FGD6: variants seen among roughly 807,000 people sequenced by gnomAD.
FGD6 encodes the protein FYVE, RhoGEF and PH domain-containing protein 6.
Under a neutral mutation model 149.4 loss-of-function variants are expected in FGD6, and 90 were observed. The ratio of observed to expected loss-of-function variants is 0.60; its 90% CI spans 0.51 to 0.72. The LOEUF (loss-of-function observed/expected upper bound fraction) is 0.72, where lower values mean the gene tolerates loss of function less well. FGD6 is among the 30% of genes least tolerant of loss of function. The probability of loss-of-function intolerance (pLI) is 0.00; values close to 1 mark genes in which losing one functional copy is unlikely to be tolerated. For missense variants in FGD6, 1,437 were observed against 1,684.8 expected (o/e 0.85, Z 2.57); for synonymous variants, 527 against 584.0 (o/e 0.90, Z 1.41).
intron 2 of FGD6, among the ~76,000 whole-genome samples, chr12:95,202,300 T>A (rs191566118): frequency 6.3e-4 from 95 of 151,464 alleles, no homozygotes; most frequent in African/African-American, 2.2e-3. Context: ...GGCAGGAGAA[T>A]CTCTTCAACC....
intron 16 of FGD6, 42 bp from the exon 17 acceptor site, chr12:95,091,851 A>C: frequency 1.4e-6 from 2 of 1,454,766 alleles, no homozygotes; most frequent in Non-Finnish European, 1.9e-6. Flanking sequence ...TCATTAGAAT[A>C]ACTTGTGTTT....
Position 95,174,234 on chromosome 12 carries a change from C to T in FGD6, c.2442-1490G>A, listed in dbSNP as rs946060797. 5.3e-5 allele frequency among the ~76,000 whole-genome samples: 8 copies of T among 152,108 alleles called. 1 individual carries two copies. The highest frequency in any genetic ancestry group is 4.6e-4 in the Admixed American group (7 of 15,274). The stretch of plus-strand genomic sequence containing the variant: ...TGGGTGCAGGGATAAGAGCCAACCC[C>T]GCCGGATAGTTAATTGTTGACTGAG... On this transcript the variant is annotated intron_variant, in intron 2 of 20. Transcript: ENST00000343958.
intron 5 of FGD6, among the ~76,000 whole-genome samples, chr12:95,145,916 C>T (rs1272214372): frequency 6.6e-6 from 1 of 152,142 alleles, no homozygotes; most frequent in Admixed American, 6.5e-5. Flanking sequence ...TCAAGTGAAC[C>T]ACCCACCTTG....
At chr12:95,114,480 ACACACACACACAC>A (rs1878944118) in intron 8 of FGD6, among the ~76,000 whole-genome samples, 1 of 141,820 alleles carries the variant, frequency 7.1e-6, no homozygotes, top group Admixed American at 7.0e-5. Flanking sequence ...ACACACACAC[ACACACACACACAC>A]GTCAGACGTG....
At chr12:95,119,967 A>G (rs979112554) in intron 8 of FGD6, among the ~76,000 whole-genome samples, 1 of 152,024 alleles carries the variant, frequency 6.6e-6, no homozygotes, top group African/African-American at 2.4e-5. Flanking sequence ...GCAGTGGCTC[A>G]TGCCTGTAAT....
At chr12:95,167,577 G>GTTTT (rs57751064) in intron 3 of FGD6, among the ~76,000 whole-genome samples, 5 of 138,362 alleles carry the variant, frequency 3.6e-5, no homozygotes, top group African/African-American at 5.4e-5. Context: ...ACTGTTTGAG[G>GTTTT]TTTTTTTTTT....
chr12:95,191,779 C>G (rs936948911), intron 2 of FGD6, among the ~76,000 whole-genome samples: 5 of 152,026 alleles, frequency 3.3e-5, no homozygotes, highest in Admixed American at 2.6e-4. Flanking sequence ...TTCTTGTTGC[C>G]CAGGCTGGAG....
At chr12:95,208,152 T>C in intron 2 of FGD6, among the ~76,000 whole-genome samples, 1 of 152,000 alleles carries the variant, frequency 6.6e-6, no homozygotes, top group Admixed American at 6.6e-5. Context: ...TCAAGGAGGC[T>C]GAGATGGGAG....
At chr12:95,213,414 A>G (rs775424079) in intron 1 of FGD6, among the ~76,000 whole-genome samples, 1 of 152,214 alleles carries the variant, frequency 6.6e-6, no homozygotes, top group Non-Finnish European at 1.5e-5. Context: ...CTCCGTCTCC[A>G]TGAAAACAAA....
chr12:95,163,218 T>G (rs1052665818), intron 3 of FGD6, among the ~76,000 whole-genome samples: 1 of 152,166 alleles, frequency 6.6e-6, no homozygotes, highest in African/African-American at 2.4e-5. Context: ...ACTCCAGCCA[T>G]GCTCTCCCCT....
chr12:95,154,919 A>G lies in FGD6; in HGVS notation c.2587-1926T>C, dbSNP rs1317136208. On this transcript the variant is annotated intron_variant, in intron 3 of 20. Transcript: ENST00000343958. ...CTGTGATGGATCACATGACTATGTT[A>G]GTTCTTCATTTGGGAAAATTTTTTT... Among the ~76,000 whole-genome samples, 11 of 144,772 alleles carry G rather than the reference A, an allele frequency of 7.6e-5. No individual in the cohort carries two copies. The Admixed American group carries it at 8.1e-4, about 11-fold the overall frequency. 95.0% of individuals were successfully genotyped at this position (144,772 alleles called of 152,430 possible). A position where few individuals can be genotyped will look rare whatever the true frequency, so the allele number is the denominator to read the frequency against.
At chr12:95,168,083 C>T (rs1210885728) in intron 3 of FGD6, among the ~76,000 whole-genome samples, 2 of 151,834 alleles carry the variant, frequency 1.3e-5, no homozygotes, top group African/African-American at 4.8e-5. Context: ...TTTAAGTCAC[C>T]TGAAGTCAAT....
chr12:95,140,092 C>G (rs1879800584), intron 6 of FGD6, among the ~76,000 whole-genome samples: 1 of 152,064 alleles, frequency 6.6e-6, no homozygotes, highest in African/African-American at 2.4e-5. Context: ...AGGTATTTTT[C>G]TGGTTTATAT....
Position 95,084,579 on chromosome 12 carries a change from G to C in FGD6, c.4175C>G (p.Ser1392Cys). 6.2e-7 allele frequency: 1 copy of C among 1,608,556 alleles called. No individual in the cohort carries two copies. Among genetic ancestry groups the C allele is most frequent in the Non-Finnish European group, 8.5e-7 (1 of 1,178,096 alleles). The change falls in exon 20 of 21, where the codon TCC (serine) becomes TGC (cysteine). Residue 1392 changes from serine to cysteine, a missense_variant. By Grantham distance (112) the Ser-to-Cys change is moderately radical (BLOSUM62 -1). This residue lies in a region of FGD6 where 382 missense variants were observed against 538.7 expected (regional missense o/e 0.71). Transcript: ENST00000343958. ...FTVIQVKDEN[S>C]ESKVFQLLHK... is the part of the protein sequence containing the mutation. Reference sequence around the variant, plus strand: ...CAGTAACTGAAATACTTTAGACTCGGAATTCTCATCTTTAACTTGAATAAC... The same window carrying C: ...CAGTAACTGAAATACTTTAGACTCGCAATTCTCATCTTTAACTTGAATAAC...
intron 8 of FGD6, among the ~76,000 whole-genome samples, chr12:95,117,596 T>C (rs1879058116): frequency 6.6e-6 from 1 of 151,990 alleles, no homozygotes; most frequent in Non-Finnish European, 1.5e-5. Context: ...TGGGCTAAGT[T>C]TTTGATTTTT....
In FGD6 at chr12:95,085,867, C is replaced by A; in HGVS notation, c.4020G>T (p.Leu1340Phe). ...GTTTTTTATTGCCCTTTGATCTGTA[C>A]AAGTAGCCACTCATAGAAGAATCCT... ...NTEDSSMSGY[L>F]YRSKGNKKPW... The change falls in exon 19 of 21, where the codon TTG (leucine) becomes TTT (phenylalanine). Residue 1340 changes from leucine (L) to phenylalanine (F), a missense_variant. Leu to Phe is a conservative substitution (Grantham distance 22, BLOSUM62 0). Coordinates refer to ENST00000343958, the MANE Select transcript of FGD6 (RefSeq NM_018351.4). 1 of 1,612,460 alleles carries A rather than the reference C, an allele frequency of 6.2e-7. No individual in the cohort carries two copies. The highest frequency in any genetic ancestry group is 8.5e-7 in the Non-Finnish European group (1 of 1,179,678).
intron 6 of FGD6, among the ~76,000 whole-genome samples, chr12:95,139,011 A>G (rs561292268): frequency 7.6e-4 from 116 of 152,386 alleles, no homozygotes; most frequent in Non-Finnish European, 1.3e-3. Context: ...GTAGATATGC[A>G]AACCTTCTTG....
Position 95,079,799 on chromosome 12 carries a change from G to A in FGD6, c.*1721C>T, listed in dbSNP as rs1022952578. 2 of 152,110 alleles carry A rather than the reference G, an allele frequency of 1.3e-5. No individual in the cohort carries two copies. Among genetic ancestry groups the A allele is most frequent in the Middle Eastern group, 6.8e-3 (2 of 294 alleles). The allele number at this position is 152,110 out of a possible 1,614,324, so 9.4% of individuals were successfully genotyped here. A position where few individuals can be genotyped will look rare whatever the true frequency, so the allele number is the denominator to read the frequency against. On this transcript the variant is annotated 3_prime_UTR_variant, in exon 21 of 21. Coordinates refer to ENST00000343958, the MANE Select transcript of FGD6 (RefSeq NM_018351.4). ...AGGGACTCTGGTGCTGTACCAAACA[G>A]CATTCAAAAGGCCCCAGAAAGGCAC...
chr12:95,126,303 A>G, intron 8 of FGD6: 2 of 1,497,006 alleles, frequency 1.3e-6, no homozygotes, highest in Non-Finnish European at 1.8e-6. Context: ...CACAGGCCAG[A>G]AGGCAGCACC....
Sources: gnomAD v4.1 joint callset for allele counts (sites outside exome capture counted in the v4.1 genomes callset) on GRCh38, gnomAD v4.1.1 for gene constraint, gnomAD v4.1.1 regional missense constraint, MANE v1.5 for transcripts, NCBI Gene and HGNC (gene_info 2026-07-23, HGNC 2026-07-21) for gene names.